Variants in CEP128 observed in about 807,000 individuals in gnomAD.
CEP128 encodes the protein centrosomal protein 128, also known as centrosomal protein 128kDa.
In CEP128, 132 loss-of-function variants were observed where a neutral mutation model predicts 156.7. The observed-to-expected ratio is 0.84, with a 90% confidence interval of 0.73 to 0.97. The LOEUF (loss-of-function observed/expected upper bound fraction) is 0.97, where lower values mean the gene tolerates loss of function less well. Among genes scored for constraint, CEP128 ranks in the 50% least tolerant of loss-of-function variants. CEP128 has a pLI of 0.00. For synonymous variants in CEP128, 469 were observed against 448.9 expected (o/e 1.04, Z -0.57); for missense variants, 1,252 against 1,281.9 (o/e 0.98, Z 0.36).
intron 19 of CEP128, among the ~76,000 whole-genome samples, chr14:80,605,970 T>A (rs927303581): frequency 2.0e-5 from 3 of 151,640 alleles, no homozygotes; most frequent in African/African-American, 4.8e-5. Context: ...CTTTAAAAAA[T>A]TATTTATTTT....
At chr14:80,751,934 GGCATTTTTTAAACCTTT>G (rs2139643868) in intron 18 of CEP128, among the ~76,000 whole-genome samples, 1 of 152,102 alleles carries the variant, frequency 6.6e-6, no homozygotes, top group South Asian at 2.1e-4. Flanking sequence ...CCCAGGTAAT[GGCATTTTTTAAACCTTT>G]GCAGTTGAGT....
At chr14:80,514,725 T>G (rs1396092014) in intron 23 of CEP128, 12 of 358,262 alleles carry the variant, frequency 3.3e-5, no homozygotes, top group Non-Finnish European at 6.8e-5. Flanking sequence ...CTCTGGTGTG[T>G]TATTTAGTTT....
chr14:80,618,820 A>G (rs1163281104), intron 19 of CEP128, among the ~76,000 whole-genome samples: 2 of 152,214 alleles, frequency 1.3e-5, no homozygotes, highest in African/African-American at 4.8e-5. Flanking sequence ...CAGGTTCCTC[A>G]ATCCAGCCCC....
At chr14:80,508,039 G>A (rs556485958) in intron 23 of CEP128, among the ~76,000 whole-genome samples, 21 of 152,120 alleles carry the variant, frequency 1.4e-4, no homozygotes, top group Non-Finnish European at 2.2e-4. Context: ...CTCAGCCCCC[G>A]CTAGTAGCTG....
At chr14:80,479,785 C>T (rs1887015484) in intron 14 of CEP128, among the ~76,000 whole-genome samples, 1 of 152,164 alleles carries the variant, frequency 6.6e-6, no homozygotes, top group African/African-American at 2.4e-5. Flanking sequence ...TCCAAAGTCT[C>T]ATCTGACATA....
At chr14:80,506,729 A>C (rs1399451865) in intron 23 of CEP128, among the ~76,000 whole-genome samples, 1 of 152,188 alleles carries the variant, frequency 6.6e-6, no homozygotes, top group African/African-American at 2.4e-5. Flanking sequence ...GTAAGTGCAA[A>C]AGAAAGGGCA....
intron 13 of CEP128, among the ~76,000 whole-genome samples, chr14:80,812,842 C>A (rs1239058361): frequency 6.6e-6 from 1 of 152,154 alleles, no homozygotes; most frequent in South Asian, 2.1e-4. Flanking sequence ...GGATTACAAG[C>A]GTGAGCCACC....
chr14:80,625,874 C>A (rs1893697324), intron 19 of CEP128, among the ~76,000 whole-genome samples: 1 of 144,544 alleles, frequency 6.9e-6, no homozygotes, highest in African/African-American at 2.6e-5. Flanking sequence ...TCTCTTTCTT[C>A]TTTCTTTTTG....
At chr14:80,679,499 T>C (rs890444685) in intron 19 of CEP128, among the ~76,000 whole-genome samples, 3 of 151,828 alleles carry the variant, frequency 2.0e-5, no homozygotes, top group African/African-American at 7.2e-5. Context: ...TCTCCCACAG[T>C]ACCCTCAGGC....
intron 20 of CEP128, among the ~76,000 whole-genome samples, chr14:80,561,520 A>T (rs1213317966): frequency 1.3e-5 from 2 of 152,190 alleles, no homozygotes; most frequent in Admixed American, 6.5e-5. Context: ...ACAGAGAGAA[A>T]CAGCCTTTGG....
At chr14:80,686,515 C>A (rs543360632) in intron 19 of CEP128, among the ~76,000 whole-genome samples, 2 of 152,132 alleles carry the variant, frequency 1.3e-5, no homozygotes, top group Non-Finnish European at 2.9e-5. Flanking sequence ...GCAACTACAC[C>A]AACAAGTCTG....
chr14:80,703,620 T>C (rs1897144308), intron 19 of CEP128, among the ~76,000 whole-genome samples: 1 of 152,118 alleles, frequency 6.6e-6, no homozygotes, highest in Non-Finnish European at 1.5e-5. Flanking sequence ...TTAAGCTTAT[T>C]ATTGTGAGAT....
At chr14:80,675,419 C>A (rs901769397) in intron 19 of CEP128, among the ~76,000 whole-genome samples, 2 of 151,996 alleles carry the variant, frequency 1.3e-5, no homozygotes, top group Non-Finnish European at 2.9e-5. Flanking sequence ...ATTCATGAAA[C>A]CCTGGTGATC....
intron 2 of CEP128, among the ~76,000 whole-genome samples, chr14:80,938,658 A>C (rs1277787289): frequency 6.6e-6 from 1 of 152,190 alleles, no homozygotes; most frequent in African/African-American, 2.4e-5. Context: ...TTTTACATCT[A>C]TGTTGTAAAT....
At chr14:80,731,406 T>TC (rs1898265529) in intron 19 of CEP128, among the ~76,000 whole-genome samples, 1 of 152,174 alleles carries the variant, frequency 6.6e-6, no homozygotes, top group Non-Finnish European at 1.5e-5. Flanking sequence ...CATAAGATAA[T>TC]ACATTTAAAA....
At chr14:80,819,644 T>C (rs1370905422) in intron 13 of CEP128, among the ~76,000 whole-genome samples, 2 of 152,136 alleles carry the variant, frequency 1.3e-5, no homozygotes, top group Non-Finnish European at 2.9e-5. Flanking sequence ...GTCATTACTT[T>C]GGGGATTAGA....
chr14:80,785,538 T>G lies in CEP128; in HGVS notation c.1568A>C (p.Lys523Thr), dbSNP rs1687087503. 1 of 1,601,394 alleles carries G rather than the reference T, an allele frequency of 6.2e-7. No individual in the cohort carries two copies. Among genetic ancestry groups the G allele is most frequent in the Non-Finnish European group, 8.5e-7 (1 of 1,174,704 alleles). ...ELTGKNNQIL[K>T]EKDELKTQLY... The stretch of plus-strand genomic sequence containing the variant: ...CTGGGTTTTCAATTCATCCTTTTCT[T>G]TTAAAATCTATCAGGTTAAGAACAT... Residue 523 changes from lysine (K) to threonine (T), a missense_variant, in exon 15 of 25, where the codon AAA (lysine) becomes ACA (threonine). Physicochemically the swap from Lys to Thr is moderately conservative, Grantham distance 78. Transcript: ENST00000555265.
chr14:80,905,354 C>A (rs1321035389), intron 5 of CEP128: 2 of 155,890 alleles, frequency 1.3e-5, no homozygotes, highest in Non-Finnish European at 2.8e-5. Flanking sequence ...AAAATAGTGC[C>A]CAATTTTTAA....
chr14:80,879,408 A>G lies in CEP128; in HGVS notation c.645+16310T>C, dbSNP rs192514589. Among the ~76,000 whole-genome samples, 193 of 152,340 alleles carry G rather than the reference A, an allele frequency of 1.3e-3. 2 individuals carry two copies. In the Middle Eastern group the frequency reaches 0.024, roughly 19 times the overall value. On this transcript the variant is annotated intron_variant, in intron 8 of 24. Coordinates refer to ENST00000555265, the MANE Select transcript of CEP128 (RefSeq NM_152446.5). ...TCAAAATAATACTCTAAAAACTCCA[A>G]TGAGATGCAAGAAAATACAAATAGA...
Sources: allele counts gnomAD v4.1 joint callset (sites outside exome capture counted in the v4.1 genomes callset), GRCh38; gene constraint gnomAD v4.1.1; transcripts MANE v1.5; gene names NCBI Gene and HGNC (gene_info 2026-07-23, HGNC 2026-07-21).